Variants in OXR1 observed in about 807,000 individuals in gnomAD.
OXR1 encodes the protein oxidation resistance protein 1.
Under a neutral mutation model 104.6 loss-of-function variants are expected in OXR1, and 41 were observed. That is an observed-to-expected ratio of 0.39 (90% CI 0.31 to 0.51). The LOEUF is 0.51. Ranked by LOEUF, OXR1 falls within the 20% of genes least tolerant of loss-of-function variation. The probability of loss-of-function intolerance (pLI) is 0.77; values close to 1 mark genes in which losing one functional copy is unlikely to be tolerated. For missense variants in OXR1, 955 were observed against 1,031.9 expected, an observed-to-expected ratio of 0.93 and a Z score of 1.02; for synonymous variants, 348 against 348.4, an observed-to-expected ratio of 1.00 and a Z score of 0.01.
At chr8:106,654,464 A>C (rs1018777405) in intron 3 of OXR1, among the ~76,000 whole-genome samples, 10 of 152,126 alleles carry the variant, frequency 6.6e-5, no homozygotes, top group African/African-American at 1.4e-4. Flanking sequence ...GTGCTGGAAC[A>C]ACTGGATAGC....
At chr8:106,569,832 C>A (rs936063090) in intron 3 of OXR1, among the ~76,000 whole-genome samples, 6 of 152,152 alleles carry the variant, frequency 3.9e-5, no homozygotes, top group Admixed American at 3.3e-4. Context: ...CCATAAAAAC[C>A]CTTGTGGAAC....
At chr8:106,305,315 T>G (rs1241941252) in intron 1 of OXR1, among the ~76,000 whole-genome samples, 1 of 152,176 alleles carries the variant, frequency 6.6e-6, no homozygotes, top group Non-Finnish European at 1.5e-5. Flanking sequence ...TTGATGTGTA[T>G]TTACAGCTTA....
chr8:106,509,343 G>A (rs1312757481), intron 2 of OXR1, among the ~76,000 whole-genome samples: 1 of 152,190 alleles, frequency 6.6e-6, no homozygotes, highest in Non-Finnish European at 1.5e-5. Context: ...ATTTCAAAGT[G>A]AATGCTTGTG....
chr8:106,484,607 A>T (rs1822336376), intron 2 of OXR1, among the ~76,000 whole-genome samples: 1 of 152,032 alleles, frequency 6.6e-6, no homozygotes, highest in African/African-American at 2.4e-5. Context: ...GCAAATTAAA[A>T]TAATACTGAG....
chr8:106,563,600 G>T (rs1468475372), intron 3 of OXR1, among the ~76,000 whole-genome samples: 1 of 152,096 alleles, frequency 6.6e-6, no homozygotes, highest in Non-Finnish European at 1.5e-5. Context: ...AATTAGCAAG[G>T]ATGTTCAGGA....
chr8:106,363,228 G>A (rs1045127359), intron 2 of OXR1, among the ~76,000 whole-genome samples: 4 of 152,148 alleles, frequency 2.6e-5, no homozygotes, highest in Non-Finnish European at 4.4e-5. Context: ...TGCTCTTTTT[G>A]GAGCTCATTT....
intron 2 of OXR1, among the ~76,000 whole-genome samples, chr8:106,407,851 C>A (rs753862620): frequency 1.3e-5 from 2 of 152,128 alleles, no homozygotes; most frequent in Non-Finnish European, 2.9e-5. Context: ...AATTCTTGCT[C>A]ACCCTTCAAA....
chr8:106,398,466 G>C (rs539872619), intron 2 of OXR1, among the ~76,000 whole-genome samples: 42 of 152,298 alleles, frequency 2.8e-4, no homozygotes, highest in African/African-American at 8.9e-4. Flanking sequence ...CGAGTCAGTT[G>C]CCACATGAGC....
At chr8:106,703,923 C>T (rs1248670968) in intron 8 of OXR1, among the ~76,000 whole-genome samples, 1 of 152,126 alleles carries the variant, frequency 6.6e-6, no homozygotes, top group Non-Finnish European at 1.5e-5. Context: ...ATTTATATCC[C>T]TGTATTAGCC....
rs1025152087 is a variant in OXR1 at position 106,751,873 on chromosome 8, A to C, written c.*932A>C. 6.6e-6 allele frequency: 1 copy of C among 152,486 alleles called. No homozygotes were observed. Among genetic ancestry groups the C allele is most frequent in the Non-Finnish European group, 1.5e-5 (1 of 67,942 alleles). 9.4% of individuals were successfully genotyped at this position (152,486 alleles called of 1,614,324 possible). The stretch of plus-strand genomic sequence containing the variant: ...GGTTACTCTTGTTCAAAAGGAAAAA[A>C]AAAATTGTGATTTTCTTTGAGTGGT... On this transcript the variant is annotated 3_prime_UTR_variant, in exon 17 of 17. Coordinates refer to ENST00000517566, the MANE Select transcript of OXR1 (RefSeq NM_001198533.2).
intron 1 of OXR1, among the ~76,000 whole-genome samples, chr8:106,275,228 A>C (rs180958778): frequency 1.3e-5 from 2 of 152,356 alleles, no homozygotes; most frequent in East Asian, 3.9e-4. Flanking sequence ...AGAAATGAGA[A>C]ATTTGAGGTG....
intron 1 of OXR1, among the ~76,000 whole-genome samples, chr8:106,294,202 A>G (rs1213422860): frequency 6.6e-6 from 1 of 151,540 alleles, no homozygotes; most frequent in East Asian, 1.9e-4. Flanking sequence ...GGAATTCAAA[A>G]CCAGCTTGGC....
intron 3 of OXR1, among the ~76,000 whole-genome samples, chr8:106,590,594 G>A (rs3134121): frequency 0.6 from 90,818 of 152,080 alleles, 28,295 homozygotes; most frequent in African/African-American, 0.79. Flanking sequence ...CCAGCAATAC[G>A]GTTTTTAGTT....
At chr8:106,401,526 A>G (rs933278345) in intron 2 of OXR1, among the ~76,000 whole-genome samples, 2 of 152,204 alleles carry the variant, frequency 1.3e-5, no homozygotes, top group Non-Finnish European at 1.5e-5. Flanking sequence ...CTGCACTGTA[A>G]TTCACCTGTA....
chr8:106,683,378 GT>G, intron 5 of OXR1, 72 bp downstream of exon 5: 2 of 663,124 alleles, frequency 3.0e-6, no homozygotes, highest in Non-Finnish European at 5.3e-6. Context: ...TTATTGTACT[GT>G]AGTTAATAAT....
chr8:106,545,603 ATCT>A lies in OXR1; in HGVS notation c.220+26469_220+26471del, dbSNP rs1815293554. 2.6e-5 allele frequency among the ~76,000 whole-genome samples: 4 copies of A among 152,338 alleles called. No homozygotes were observed. The South Asian group carries it at 8.3e-4, about 32-fold the overall frequency. ...TAACTAACCATTAGACCTTCATGAA[ATCT>A]TCTTTAAAGTATATCTGACTAGACA... On this transcript the variant is annotated intron_variant, in intron 3 of 16. Coordinates refer to ENST00000517566, the MANE Select transcript of OXR1 (RefSeq NM_001198533.2).
At chr8:106,449,970 A>G (rs1820224130) in intron 2 of OXR1, among the ~76,000 whole-genome samples, 1 of 152,130 alleles carries the variant, frequency 6.6e-6, no homozygotes, top group African/African-American at 2.4e-5. Flanking sequence ...AACAATATAA[A>G]CATTACTCTG....
chr8:106,563,905 A>T (rs1816874837), intron 3 of OXR1, among the ~76,000 whole-genome samples: 1 of 152,194 alleles, frequency 6.6e-6, no homozygotes, highest in African/African-American at 2.4e-5. Context: ...AAATAACAAA[A>T]TTAAGGAAGA....
At chr8:106,551,310 A>C (rs1400936391) in intron 3 of OXR1, among the ~76,000 whole-genome samples, 1 of 152,228 alleles carries the variant, frequency 6.6e-6, no homozygotes, top group African/African-American at 2.4e-5. Flanking sequence ...TTTCTTGTTG[A>C]AATGAGCAAA....
Sources: gnomAD v4.1 joint callset for allele counts (sites outside exome capture counted in the v4.1 genomes callset) on GRCh38, gnomAD v4.1.1 for gene constraint, MANE v1.5 for transcripts, NCBI Gene and HGNC (gene_info 2026-07-23, HGNC 2026-07-21) for gene names.